Variants in GRID2 observed in about 807,000 individuals in gnomAD.
GRID2 encodes the protein glutamate receptor ionotropic, delta-2.
Under a neutral mutation model 114.8 loss-of-function variants are expected in GRID2, and 33 were observed. The ratio of observed to expected loss-of-function variants is 0.29; its 90% CI spans 0.22 to 0.38. GRID2 has a LOEUF of 0.38. Ranked by LOEUF, GRID2 falls within the 10% of genes least tolerant of loss-of-function variation. GRID2 has a pLI of 1.00. For missense variants in GRID2, 1,184 were observed against 1,257.7 expected, an observed-to-expected ratio of 0.94 and a Z score of 0.89; for synonymous variants, 505 against 449.9, an observed-to-expected ratio of 1.12 and a Z score of -1.55.
intron 2 of GRID2, among the ~76,000 whole-genome samples, chr4:93,033,184 G>T (rs1034325153): frequency 2.6e-5 from 4 of 152,094 alleles, no homozygotes; most frequent in African/African-American, 9.7e-5. Flanking sequence ...GTTCACACAA[G>T]ACCACCCTCA....
At chr4:93,628,571 T>C (rs183443180) in intron 14 of GRID2, among the ~76,000 whole-genome samples, 237 of 152,186 alleles carry the variant, frequency 1.6e-3, no homozygotes, top group Non-Finnish European at 2.6e-3. Flanking sequence ...GCTTTTAATT[T>C]AGTTGTGAGG....
chr4:93,505,837 C>T (rs1301124433), intron 12 of GRID2, among the ~76,000 whole-genome samples: 1 of 151,880 alleles, frequency 6.6e-6, no homozygotes, highest in Non-Finnish European at 1.5e-5. Context: ...CAGTGTCTGC[C>T]ACATTTCAGG....
intron 8 of GRID2, among the ~76,000 whole-genome samples, chr4:93,340,943 G>A (rs571855263): frequency 6.6e-6 from 1 of 152,052 alleles, no homozygotes; most frequent in South Asian, 2.1e-4. Context: ...GCATTTCCAA[G>A]GCCCAAGACT....
intron 1 of GRID2, among the ~76,000 whole-genome samples, chr4:92,458,027 G>C (rs1463146078): frequency 1.3e-5 from 2 of 152,168 alleles, no homozygotes; most frequent in East Asian, 1.9e-4. Flanking sequence ...AATCAGTCAT[G>C]AATTGTGCAT....
intron 1 of GRID2, among the ~76,000 whole-genome samples, chr4:92,570,188 C>G (rs148051318): frequency 3.3e-5 from 5 of 151,858 alleles, no homozygotes; most frequent in African/African-American, 1.2e-4. Context: ...CTAGCTAGTT[C>G]TCAGAGCACC....
chr4:92,600,044 GTATATATATATATA>G (rs70942915), intron 2 of GRID2, among the ~76,000 whole-genome samples: 65 of 54,432 alleles, frequency 1.2e-3, no homozygotes, highest in Admixed American at 3.9e-3. Context: ...GTGTGTGTGT[GTATATATATATATA>G]TATATATATA....
At chr4:92,920,526 CT>C (rs1376155641) in intron 2 of GRID2, among the ~76,000 whole-genome samples, 1 of 152,070 alleles carries the variant, frequency 6.6e-6, no homozygotes, top group Non-Finnish European at 1.5e-5. Flanking sequence ...TTCAGGAGCT[CT>C]TTTAGGGCAG....
At chr4:93,781,763 G>GA (rs1351636737) in intron 1 of GRID2, among the ~76,000 whole-genome samples, 2 of 152,090 alleles carry the variant, frequency 1.3e-5, no homozygotes, top group African/African-American at 4.8e-5. Context: ...ATAATGACAA[G>GA]AAAAATGTCT....
At chr4:92,350,317 ACT>A (rs748994571) in intron 1 of GRID2, among the ~76,000 whole-genome samples, 2 of 151,112 alleles carry the variant, frequency 1.3e-5, no homozygotes, top group Admixed American at 6.6e-5. Flanking sequence ...AATATCCACT[ACT>A]CTCTCTCTTT....
chr4:93,313,741 AC>A (rs1756271159), intron 8 of GRID2, among the ~76,000 whole-genome samples: 1 of 152,194 alleles, frequency 6.6e-6, no homozygotes, highest in Admixed American at 6.5e-5. Context: ...ATGAGATGCC[AC>A]TAGATATCCT....
At chr4:92,480,874 C>T (rs932124842) in intron 1 of GRID2, among the ~76,000 whole-genome samples, 4 of 152,160 alleles carry the variant, frequency 2.6e-5, no homozygotes, top group Admixed American at 6.6e-5. Context: ...GTGATTAGAG[C>T]TCCCTTGCTC....
At chr4:93,081,839 A>G (rs1729898800) in intron 2 of GRID2, among the ~76,000 whole-genome samples, 1 of 152,214 alleles carries the variant, frequency 6.6e-6, no homozygotes, top group South Asian at 2.1e-4. Context: ...TGCAACTCAT[A>G]ATAATAGTCT....
At chr4:93,151,918 A>G (rs1736775474) in intron 4 of GRID2, among the ~76,000 whole-genome samples, 1 of 152,162 alleles carries the variant, frequency 6.6e-6, no homozygotes, top group Non-Finnish European at 1.5e-5. Flanking sequence ...TTAATAAAGT[A>G]TGCATCAGAT....
chr4:92,749,930 C>T (rs1259115311), intron 2 of GRID2, among the ~76,000 whole-genome samples: 2 of 150,528 alleles, frequency 1.3e-5, no homozygotes, highest in East Asian at 2.0e-4. Flanking sequence ...GGTGAGATCT[C>T]GGCTGACTGC....
At chr4:93,759,115 G>A (rs1313543558) in intron 14 of GRID2, among the ~76,000 whole-genome samples, 2 of 151,930 alleles carry the variant, frequency 1.3e-5, no homozygotes, top group Non-Finnish European at 2.9e-5. Context: ...TTTCTGTAAT[G>A]AGTGCTTGAC....
At chr4:93,413,010 G>C (rs1479864924) in intron 9 of GRID2, among the ~76,000 whole-genome samples, 1 of 152,082 alleles carries the variant, frequency 6.6e-6, no homozygotes, top group Admixed American at 6.5e-5. Flanking sequence ...TGGGCATTTG[G>C]GTTGGTTCCA....
At chr4:92,416,245 T>A (rs890446567) in intron 1 of GRID2, among the ~76,000 whole-genome samples, 4 of 152,130 alleles carry the variant, frequency 2.6e-5, no homozygotes, top group Admixed American at 6.6e-5. Context: ...CACTTTTTGA[T>A]GGGATTATTT....
intron 2 of GRID2, among the ~76,000 whole-genome samples, chr4:92,635,797 C>CA (rs1486183286): frequency 6.6e-6 from 1 of 151,896 alleles, no homozygotes; most frequent in Non-Finnish European, 1.5e-5. Context: ...ATGTTGCTAC[C>CA]AATTAATCCT....
intron 2 of GRID2, among the ~76,000 whole-genome samples, chr4:92,928,304 T>C (rs1227928079): frequency 5.9e-5 from 9 of 151,862 alleles, no homozygotes; most frequent in African/African-American, 2.2e-4. Flanking sequence ...GTGCATCCAG[T>C]AATATAATTT....
Sources: allele counts gnomAD v4.1 joint callset (sites outside exome capture counted in the v4.1 genomes callset), GRCh38; gene constraint gnomAD v4.1.1; transcripts MANE v1.5; gene names NCBI Gene and HGNC (gene_info 2026-07-23, HGNC 2026-07-21).